Variants in AFG1L observed in about 807,000 individuals in gnomAD.
AFG1L encodes AFG1-like ATPase.
Under a neutral mutation model 62.2 loss-of-function variants are expected in AFG1L, and 53 were observed. The observed-to-expected ratio is 0.85, with a 90% CI of 0.68 to 1.07. The LOEUF (loss-of-function observed/expected upper bound fraction) is 1.07. Ranked by LOEUF, AFG1L falls within the 50% of genes least tolerant of loss-of-function variation. The pLI is 0.00. For missense variants in AFG1L, 555 were observed against 590.5 expected (o/e 0.94, Z 0.62); for synonymous variants, 228 against 210.3 (o/e 1.08, Z -0.73).
chr6:108,515,982 C>T (rs890381995), intron 11 of AFG1L, among the ~76,000 whole-genome samples: 7 of 152,200 alleles, frequency 4.6e-5, no homozygotes, highest in African/African-American at 1.7e-4. Context: ...AGACCAATAA[C>T]AGGCTCTGAA....
At chr6:108,413,270 G>A (rs1782201682) in intron 7 of AFG1L, among the ~76,000 whole-genome samples, 1 of 152,092 alleles carries the variant, frequency 6.6e-6, no homozygotes, top group East Asian at 1.9e-4. Flanking sequence ...AATAAAGCAA[G>A]TCCTTAGAGA....
intron 12 of AFG1L, 122 bp downstream of exon 12, chr6:108,519,932 C>G (rs1447058325): frequency 1.1e-5 from 6 of 553,392 alleles, no homozygotes; most frequent in African/African-American, 7.6e-5. Context: ...GGCGCTTCTT[C>G]TATAAGCCCA....
At chr6:108,492,049 C>T (rs1773798146) in intron 10 of AFG1L, among the ~76,000 whole-genome samples, 1 of 152,200 alleles carries the variant, frequency 6.6e-6, no homozygotes, top group Admixed American at 6.5e-5. Flanking sequence ...TCAGAAGTTA[C>T]AGTTCTCAAA....
At chr6:108,374,873 C>T (rs897511057) in intron 6 of AFG1L, among the ~76,000 whole-genome samples, 6 of 152,064 alleles carry the variant, frequency 3.9e-5, no homozygotes, top group African/African-American at 9.7e-5. Context: ...TGAAAAATGA[C>T]ATTGGTAGTT....
At chr6:108,411,491 T>G (rs1190154962) in intron 7 of AFG1L, among the ~76,000 whole-genome samples, 1 of 152,180 alleles carries the variant, frequency 6.6e-6, no homozygotes, top group Non-Finnish European at 1.5e-5. Flanking sequence ...CCAGCCTAAC[T>G]GGGAGACACC....
intron 10 of AFG1L, among the ~76,000 whole-genome samples, chr6:108,490,606 G>C (rs1245403813): frequency 6.6e-6 from 1 of 152,102 alleles, no homozygotes; most frequent in Admixed American, 6.6e-5. Flanking sequence ...TTTCTTTCCT[G>C]AACTTTCTGC....
chr6:108,426,740 G>A (rs1278463865), intron 7 of AFG1L, among the ~76,000 whole-genome samples: 1 of 152,056 alleles, frequency 6.6e-6, no homozygotes, highest in African/African-American at 2.4e-5. Flanking sequence ...AGAGTTAAAT[G>A]AATGCATGAT....
intron 7 of AFG1L, among the ~76,000 whole-genome samples, chr6:108,421,633 C>G (rs758637085): frequency 3.9e-5 from 6 of 152,008 alleles, no homozygotes; most frequent in Non-Finnish European, 7.4e-5. Flanking sequence ...CCCTGCACCC[C>G]CCCTGTCTGC....
At chr6:108,312,666 A>G (rs1777457329) in intron 1 of AFG1L, among the ~76,000 whole-genome samples, 1 of 152,236 alleles carries the variant, frequency 6.6e-6, no homozygotes, top group Non-Finnish European at 1.5e-5. Context: ...CTTTGCTATT[A>G]TCACCCTAGC....
chr6:108,348,056 G>C (rs1470857114), intron 3 of AFG1L, among the ~76,000 whole-genome samples: 1 of 151,862 alleles, frequency 6.6e-6, no homozygotes, highest in Non-Finnish European at 1.5e-5. Context: ...CATTGAATAA[G>C]TAGGTTTTGT....
At chr6:108,346,874 T>C (rs1778882254) in intron 2 of AFG1L, 114 bp from the exon 3 acceptor site, 2 of 741,702 alleles carry the variant, frequency 2.7e-6, no homozygotes, top group East Asian at 5.5e-5. Flanking sequence ...TTCTTACTTA[T>C]TGTATATAAT....
intron 6 of AFG1L, among the ~76,000 whole-genome samples, chr6:108,389,721 C>T (rs372712302): frequency 6.6e-6 from 1 of 152,202 alleles, no homozygotes; most frequent in East Asian, 1.9e-4. Context: ...TCTCCTCTGG[C>T]TTGTAGAATT....
At chr6:108,300,132 A>G (rs1475217510) in intron 1 of AFG1L, among the ~76,000 whole-genome samples, 1 of 151,568 alleles carries the variant, frequency 6.6e-6, no homozygotes, top group Non-Finnish European at 1.5e-5. Context: ...ATACATACAT[A>G]GGAGTTTATT....
chr6:108,401,845 G>A, intron 6 of AFG1L, 151 bp from the exon 7 acceptor site: 1 of 468,070 alleles, frequency 2.1e-6, no homozygotes, highest in Non-Finnish European at 3.8e-6. Context: ...ATGTGTGTAG[G>A]ACCCAAAGAG....
At chr6:108,513,408 C>T (rs976179979) in intron 11 of AFG1L, among the ~76,000 whole-genome samples, 3 of 152,220 alleles carry the variant, frequency 2.0e-5, no homozygotes, top group Non-Finnish European at 4.4e-5. Flanking sequence ...TCGGATCACT[C>T]CCACCCTAAT....
intron 2 of AFG1L, among the ~76,000 whole-genome samples, chr6:108,327,285 A>G (rs902744132): frequency 1.3e-5 from 2 of 152,246 alleles, no homozygotes; most frequent in East Asian, 3.8e-4. Flanking sequence ...ATAAGAACAT[A>G]GCAATGAAAG....
intron 6 of AFG1L, among the ~76,000 whole-genome samples, chr6:108,381,726 G>A (rs1187020649): frequency 1.3e-5 from 2 of 152,154 alleles, no homozygotes; most frequent in East Asian, 1.9e-4. Flanking sequence ...AATATAATAC[G>A]ACTGATTTAA....
chr6:108,384,956 A>G (rs1157509307), intron 6 of AFG1L, among the ~76,000 whole-genome samples: 1 of 152,186 alleles, frequency 6.6e-6, no homozygotes. Context: ...AGCTTCTAAC[A>G]TATTTCCAAT....
At position 108,401,995 on chromosome 6, in the gene AFG1L, G is replaced by C; in HGVS notation, c.749-1G>C. 1.4e-6 allele frequency: 2 copies of C among 1,421,988 alleles called. No individual in the cohort carries two copies. Among genetic ancestry groups the C allele is most frequent in the South Asian group, 1.3e-5 (1 of 75,198 alleles). The allele number at this position is 1,421,988 out of a possible 1,614,324, so 88.1% of individuals were successfully genotyped here. A position where few individuals can be genotyped will look rare whatever the true frequency, so the allele number is the denominator to read the frequency against. ...AAACTAATATCATTTTTTTCTTTCA[G>C]ATCTCTATAAAAATGGACTCCAAAG... On this transcript the variant is annotated splice_acceptor_variant, in intron 6 of 12. Transcript: ENST00000368977. LOFTEE classifies it high-confidence loss of function.
Sources: gnomAD v4.1 joint callset for allele counts (sites outside exome capture counted in the v4.1 genomes callset) on GRCh38, gnomAD v4.1.1 for gene constraint, MANE v1.5 for transcripts, NCBI Gene and HGNC (gene_info 2026-07-23, HGNC 2026-07-21) for gene names.